Variants in INVS observed in about 807,000 individuals in gnomAD.
INVS encodes inversin, also known as inversion of embryo turning homolog.
In INVS, 86 loss-of-function variants were observed where a neutral mutation model predicts 108.8. The ratio of observed to expected loss-of-function variants is 0.79; its 90% CI spans 0.66 to 0.95. The LOEUF is 0.95. INVS is among the 40% of genes least tolerant of loss of function. The pLI is 0.00. For missense variants in INVS, 1,169 were observed against 1,297.4 expected (o/e 0.90, Z 1.52); for synonymous variants, 455 against 473.5 (o/e 0.96, Z 0.51).
At chr9:100,173,153 T>G (rs1282135921) in intron 3 of INVS, among the ~76,000 whole-genome samples, 1 of 152,220 alleles carries the variant, frequency 6.6e-6, no homozygotes, top group Non-Finnish European at 1.5e-5. Flanking sequence ...AATGGTGTAG[T>G]AGCTCCTATT....
intron 2 of INVS, chr9:100,117,745 C>A: frequency 1.9e-6 from 1 of 538,528 alleles, no homozygotes; most frequent in Non-Finnish European, 3.3e-6. Context: ...CTATTATGGA[C>A]TGAATATTTG....
chr9:100,187,014 CA>C lies in INVS; in HGVS notation c.274-39047del, dbSNP rs561968530. On this transcript the variant is annotated intron_variant, in intron 3 of 16. Coordinates refer to ENST00000262457, the MANE Select transcript of INVS (RefSeq NM_014425.5). ...AGGTCTTAGATTTCAGTCATTCATC[CA>C]TCTTGAGTTGATTTTTGTATATGGT... is the stretch of plus-strand genomic sequence containing the variant. Among the ~76,000 whole-genome samples, 11 of 152,112 alleles carry C rather than the reference CA, an allele frequency of 7.2e-5. No individual in the cohort carries two copies. The East Asian group carries it at 1.9e-3, about 27-fold the overall frequency.
intron 1 of INVS, chr9:100,101,397 A>C (rs62577238): frequency 1.3e-5 from 2 of 151,942 alleles, no homozygotes; most frequent in African/African-American, 2.4e-5. Context: ...CCATGTTTTC[A>C]CCTCCACCTC....
chr9:100,246,413 A>G (rs1423398423), intron 7 of INVS, among the ~76,000 whole-genome samples: 1 of 152,222 alleles, frequency 6.6e-6, no homozygotes, highest in East Asian at 1.9e-4. Flanking sequence ...TATGGACACT[A>G]CAACTAATTT....
chr9:100,255,026 A>G (rs1832370200), intron 10 of INVS, among the ~76,000 whole-genome samples: 1 of 152,078 alleles, frequency 6.6e-6, no homozygotes, highest in Non-Finnish European at 1.5e-5. Flanking sequence ...CATTTTCACG[A>G]TATTGATTCT....
intron 14 of INVS, among the ~76,000 whole-genome samples, chr9:100,293,722 G>A (rs1050665263): frequency 3.9e-5 from 6 of 152,326 alleles, no homozygotes; most frequent in African/African-American, 1.4e-4. Flanking sequence ...GCCGCTAGGG[G>A]ATGATTATGG....
At chr9:100,201,745 T>C (rs899104167) in intron 3 of INVS, among the ~76,000 whole-genome samples, 5 of 152,256 alleles carry the variant, frequency 3.3e-5, no homozygotes, top group African/African-American at 1.2e-4. Context: ...AGGTATAGTC[T>C]GCAAAAGCAG....
intron 1 of INVS, among the ~76,000 whole-genome samples, chr9:100,102,372 C>T (rs892265026): frequency 2.6e-5 from 4 of 152,086 alleles, no homozygotes; most frequent in Non-Finnish European, 5.9e-5. Flanking sequence ...ATGAGACTAC[C>T]GGTCAGAACA....
intron 3 of INVS, among the ~76,000 whole-genome samples, chr9:100,167,418 G>C (rs903078292): frequency 1.3e-5 from 2 of 152,072 alleles, no homozygotes; most frequent in African/African-American, 2.4e-5. Flanking sequence ...TCTCACCACA[G>C]GTTTTTGCAT....
chr9:100,178,311 G>T (rs1829778527), intron 3 of INVS, among the ~76,000 whole-genome samples: 1 of 152,138 alleles, frequency 6.6e-6, no homozygotes, highest in African/African-American at 2.4e-5. Context: ...GCTTCAGAAG[G>T]TGGGCAATAA....
intron 3 of INVS, among the ~76,000 whole-genome samples, chr9:100,183,965 C>T (rs1429110672): frequency 6.6e-6 from 1 of 151,642 alleles, no homozygotes; most frequent in Non-Finnish European, 1.5e-5. Flanking sequence ...ATGATATCTA[C>T]AGCATAAAGT....
intron 3 of INVS, among the ~76,000 whole-genome samples, chr9:100,132,798 T>C (rs1828093032): frequency 6.6e-6 from 1 of 151,996 alleles, no homozygotes; most frequent in Non-Finnish European, 1.5e-5. Context: ...TTAATTATCT[T>C]AAGCATAGAG....
intron 3 of INVS, among the ~76,000 whole-genome samples, chr9:100,170,187 T>C (rs973755746): frequency 5.3e-5 from 8 of 152,226 alleles, no homozygotes; most frequent in Non-Finnish European, 8.8e-5. Context: ...TCAGATTTCA[T>C]GCAGTTCTTC....
intron 2 of INVS, among the ~76,000 whole-genome samples, chr9:100,111,692 C>G (rs902190751): frequency 3.3e-5 from 5 of 152,146 alleles, no homozygotes; most frequent in African/African-American, 1.2e-4. Context: ...GTTACAATTA[C>G]CAAATATTTC....
At chr9:100,283,028 G>A (rs1385421153) in intron 12 of INVS, among the ~76,000 whole-genome samples, 1 of 152,210 alleles carries the variant, frequency 6.6e-6, no homozygotes, top group Non-Finnish European at 1.5e-5. Context: ...GTCCTTTTCA[G>A]CCGGGCGCGG....
intron 2 of INVS, among the ~76,000 whole-genome samples, chr9:100,106,971 G>A (rs1209553099): frequency 6.6e-6 from 1 of 151,918 alleles, no homozygotes; most frequent in Non-Finnish European, 1.5e-5. Context: ...AAGAATGAAT[G>A]GGGGGCAAAT....
At chr9:100,155,787 A>G (rs547562843) in intron 3 of INVS, among the ~76,000 whole-genome samples, 13 of 152,378 alleles carry the variant, frequency 8.5e-5, no homozygotes, top group Admixed American at 2.6e-4. Flanking sequence ...CACAACACAA[A>G]TAAGTGGATC....
At chr9:100,282,665 A>T (rs1833316969) in intron 12 of INVS, among the ~76,000 whole-genome samples, 1 of 152,178 alleles carries the variant, frequency 6.6e-6, no homozygotes, top group African/African-American at 2.4e-5. Flanking sequence ...GCCTTGTCTC[A>T]TGCTTCTGTG....
At chr9:100,177,100 T>C (rs1292013200) in intron 3 of INVS, among the ~76,000 whole-genome samples, 1 of 152,040 alleles carries the variant, frequency 6.6e-6, no homozygotes, top group East Asian at 1.9e-4. Context: ...GTCCAGATAC[T>C]ACGCTTTTCC....
Sources: allele counts gnomAD v4.1 joint callset (sites outside exome capture counted in the v4.1 genomes callset), GRCh38; gene constraint gnomAD v4.1.1; transcripts MANE v1.5; gene names NCBI Gene and HGNC (gene_info 2026-07-23, HGNC 2026-07-21).